TARBP1: variants seen among roughly 807,000 people sequenced by gnomAD.
The protein encoded by TARBP1 is tRNA (guanosine(18)-2'-O)-methyltransferase TARBP1.
Under a neutral mutation model 178.6 loss-of-function variants are expected in TARBP1, and 144 were observed. That is an observed-to-expected ratio of 0.81 (90% CI 0.70 to 0.93). The LOEUF is 0.93. TARBP1 is among the 40% of genes least tolerant of loss of function. The probability of loss-of-function intolerance (pLI) is 0.00; values close to 1 mark genes in which losing one functional copy is unlikely to be tolerated. For missense variants in TARBP1, 2,067 were observed against 2,011.7 expected, an observed-to-expected ratio of 1.03 and a Z score of -0.53; for synonymous variants, 787 against 781.0, an observed-to-expected ratio of 1.01 and a Z score of -0.13.
At chr1:234,426,673 T>C (rs573667720) in intron 19 of TARBP1, among the ~76,000 whole-genome samples, 1 of 152,296 alleles carries the variant, frequency 6.6e-6, no homozygotes, top group East Asian at 1.9e-4. Context: ...GTACACATTT[T>C]TGAAAGCCAT....
intron 6 of TARBP1, among the ~76,000 whole-genome samples, chr1:234,460,803 T>C (rs1336013769): frequency 6.6e-6 from 1 of 151,848 alleles, no homozygotes. Flanking sequence ...TGCCTACCAA[T>C]GAATGAATGA....
intron 1 of TARBP1, among the ~76,000 whole-genome samples, chr1:234,474,284 A>T (rs1669377504): frequency 6.7e-6 from 1 of 149,304 alleles, no homozygotes; most frequent in Non-Finnish European, 1.5e-5. Flanking sequence ...ACACACACAC[A>T]CACAAAGGGG....
At chr1:234,424,954 G>A (rs985575443) in intron 20 of TARBP1, among the ~76,000 whole-genome samples, 16 of 152,064 alleles carry the variant, frequency 1.1e-4, no homozygotes, top group Non-Finnish European at 2.2e-4. Flanking sequence ...CCAGCTACTC[G>A]GGAGGCTGAG....
chr1:234,411,213 C>T (rs747392261), intron 22 of TARBP1, among the ~76,000 whole-genome samples: 3 of 152,170 alleles, frequency 2.0e-5, no homozygotes, highest in African/African-American at 4.8e-5. Flanking sequence ...AAGTTTAAAA[C>T]TGTATAACAG....
chr1:234,459,422 C>T, intron 7 of TARBP1, 96 bp from the exon 8 acceptor site: 4 of 897,598 alleles, frequency 4.5e-6, no homozygotes, highest in Non-Finnish European at 5.1e-6. Context: ...AACTACACTT[C>T]CTAATGCAGA....
chr1:234,423,187 T>A (rs572487316), intron 20 of TARBP1, among the ~76,000 whole-genome samples: 1 of 152,248 alleles, frequency 6.6e-6, no homozygotes, highest in African/African-American at 2.4e-5. Flanking sequence ...TGTATTCCCA[T>A]TAGTGATGCA....
At chr1:234,455,054 A>G (rs1667143111) in intron 9 of TARBP1, among the ~76,000 whole-genome samples, 1 of 152,214 alleles carries the variant, frequency 6.6e-6, no homozygotes, top group Admixed American at 6.5e-5. Context: ...ATGAGCCGAG[A>G]AATGCAAGCA....
chr1:234,398,529 G>C lies in TARBP1; in HGVS notation c.4096C>G (p.Leu1366Val), dbSNP rs867067686. The change falls in exon 26 of 30, where the codon CTT becomes GTT. Residue 1366 changes from leucine (L) to valine (V), a missense_variant. Physicochemically the swap from Leu to Val is conservative, Grantham distance 32 (BLOSUM62 1). Coordinates refer to ENST00000040877, the MANE Select transcript of TARBP1 (RefSeq NM_005646.4). ...CATTCATCTTCAATAAGGCCTGAAA[G>C]GCGTGGAAGGATGTAAAATATGGTC... ...LETIFYILPR[L>V]SGLIEDEWIT... 6 of 1,592,914 alleles carry C rather than the reference G, an allele frequency of 3.8e-6. No homozygotes were observed. The highest frequency in any genetic ancestry group is 1.3e-5 in the African/African-American group (1 of 74,572).
chr1:234,410,071 C>T (rs973691375), intron 23 of TARBP1, among the ~76,000 whole-genome samples: 2 of 152,148 alleles, frequency 1.3e-5, no homozygotes, highest in African/African-American at 4.8e-5. Flanking sequence ...AGTTTCTTTG[C>T]ACGAGCATTT....
At chr1:234,406,792 A>C (rs1661289965) in intron 23 of TARBP1, 1 of 152,244 alleles carries the variant, frequency 6.6e-6, no homozygotes, top group African/African-American at 2.4e-5. Context: ...AGTGACATAT[A>C]CTAATGAAGG....
chr1:234,437,535 C>A (rs376374632), intron 12 of TARBP1, among the ~76,000 whole-genome samples, 163 bp from the exon 13 acceptor site: 2 of 152,196 alleles, frequency 1.3e-5, no homozygotes, highest in Non-Finnish European at 2.9e-5. Context: ...GAAAGCTATA[C>A]TTAATCTTAA....
intron 10 of TARBP1, among the ~76,000 whole-genome samples, chr1:234,449,285 A>C (rs1666499416): frequency 6.6e-6 from 1 of 152,242 alleles, no homozygotes; most frequent in South Asian, 2.1e-4. Context: ...GAATATATAC[A>C]AAGAAGTGGA....
In TARBP1 at chr1:234,393,662, T is replaced by C; in HGVS notation, c.4419A>G (p.Lys1473=). 6.2e-7 allele frequency: 1 copy of C among 1,609,500 alleles called. No individual in the cohort carries two copies. ...RLIVVASLID[K]PTNLGGLCRT... ...CAACTTTACCTCCTAAATTGGTCGG[T>C]TTGTCGATGAGCGAGGCCACAACGA... Residue 1473 remains lysine, a synonymous_variant, in exon 27 of 30, where the codon AAA becomes AAG. Transcript: ENST00000040877.
At chr1:234,443,028 T>A (rs1665752070) in intron 12 of TARBP1, among the ~76,000 whole-genome samples, 1 of 152,162 alleles carries the variant, frequency 6.6e-6, no homozygotes, top group Admixed American at 6.5e-5. Context: ...CAATGGCTCA[T>A]GCCTGTAATC....
At chr1:234,409,892 T>C (rs1223127119) in intron 23 of TARBP1, among the ~76,000 whole-genome samples, 1 of 152,210 alleles carries the variant, frequency 6.6e-6, no homozygotes, top group African/African-American at 2.4e-5. Flanking sequence ...ACGGCTGCCA[T>C]AGTGATTAAC....
At chr1:234,463,119 G>GT (rs1476946116) in intron 6 of TARBP1, among the ~76,000 whole-genome samples, 4 of 90,872 alleles carry the variant, frequency 4.4e-5, no homozygotes, top group African/African-American at 6.5e-5. Flanking sequence ...TAAAACAAGT[G>GT]TTTTTTTGTT....
At chr1:234,416,640 T>C (rs2103082965) in intron 22 of TARBP1, among the ~76,000 whole-genome samples, 1 of 152,294 alleles carries the variant, frequency 6.6e-6, no homozygotes, top group East Asian at 1.9e-4. Context: ...CACTTAATCG[T>C]TGTTTTCTTC....
chr1:234,477,527 C>T (rs143720954), intron 1 of TARBP1, among the ~76,000 whole-genome samples: 4 of 152,270 alleles, frequency 2.6e-5, no homozygotes, highest in South Asian at 2.1e-4. Flanking sequence ...TCAACAGTAA[C>T]GTAACAACTT....
At chr1:234,397,903 T>C (rs960720022) in intron 26 of TARBP1, among the ~76,000 whole-genome samples, 5 of 107,582 alleles carry the variant, frequency 4.6e-5, no homozygotes, top group African/African-American at 1.7e-4. Flanking sequence ...AAAGGAGTCA[T>C]TGTACAGGGA....
Sources: gnomAD v4.1 joint callset for allele counts (sites outside exome capture counted in the v4.1 genomes callset) on GRCh38, gnomAD v4.1.1 for gene constraint, MANE v1.5 for transcripts, NCBI Gene and HGNC (gene_info 2026-07-23, HGNC 2026-07-21) for gene names.